Variants in ATAD2 observed in about 807,000 individuals in gnomAD.
ATAD2 encodes ATPase family AAA domain-containing protein 2.
Under a neutral mutation model 168.9 loss-of-function variants are expected in ATAD2, and 62 were observed. The ratio of observed to expected loss-of-function variants is 0.37; its 90% CI spans 0.30 to 0.45. ATAD2 has a LOEUF of 0.45. ATAD2 is among the 20% of genes least tolerant of loss of function. The probability of loss-of-function intolerance (pLI) is 1.00; values close to 1 mark genes in which losing one functional copy is unlikely to be tolerated. For synonymous variants in ATAD2, 613 were observed against 571.6 expected (o/e 1.07, Z -1.03); for missense variants, 1,419 against 1,667.8 (o/e 0.85, Z 2.60).
At chr8:123,411,075 AGGCTTGCCACCATCTTGGAAGC>A (rs537412603) in intron 1 of ATAD2, among the ~76,000 whole-genome samples, 5 of 152,160 alleles carry the variant, frequency 3.3e-5, no homozygotes, top group Admixed American at 6.5e-5. Flanking sequence ...AGAGAACAGG[AGGCTTGCCACCATCTTGGAAGC>A]GGCTTGCCAC....
chr8:123,363,009 A>G (rs181606518), intron 8 of ATAD2, among the ~76,000 whole-genome samples: 49 of 152,334 alleles, frequency 3.2e-4, no homozygotes, highest in African/African-American at 1.1e-3. Context: ...AAAATTTTTA[A>G]TCACTTCTAC....
chr8:123,348,007 A>G, intron 15 of ATAD2, 176 bp downstream of exon 15: 1 of 666,364 alleles, frequency 1.5e-6, no homozygotes, highest in Non-Finnish European at 2.6e-6. Flanking sequence ...CAAATAAGAG[A>G]TAAGAAACAA....
At chr8:123,378,499 C>T (rs537481541) in intron 2 of ATAD2, among the ~76,000 whole-genome samples, 3 of 151,882 alleles carry the variant, frequency 2.0e-5, no homozygotes, top group Middle Eastern at 3.4e-3. Context: ...GTCAGGAGTT[C>T]GAGACCAGCC....
chr8:123,349,466 G>A (rs768452074), intron 13 of ATAD2, 22 bp from the exon 14 acceptor site: 3 of 1,598,324 alleles, frequency 1.9e-6, no homozygotes, highest in Non-Finnish European at 1.7e-6. Flanking sequence ...AAATAAGAGA[G>A]AAGAGATTAA....
At position 123,369,082 on chromosome 8, in the gene ATAD2, C is replaced by T. The variant is rs760831491; in HGVS notation, c.1025G>A (p.Ser342Asn). The T allele has an allele frequency of 6.3e-7, 1 of 1,591,676 alleles. No homozygotes were observed. The highest frequency in any genetic ancestry group is 8.6e-7 in the Non-Finnish European group (1 of 1,164,754). The change falls in exon 8 of 28, where the codon AGT (serine) becomes AAT (asparagine). Residue 342 changes from serine to asparagine, a missense_variant. Around this residue, in one of 5 missense-constraint regions of ATAD2, gnomAD observed 146 missense variants for 188.3 expected, o/e 0.78. Transcript: ENST00000287394. Reference protein sequence around the residue: ...RYRLSSAGPRSPYCKRMNRRR... With the variant: ...RYRLSSAGPRNPYCKRMNRRR... Reference sequence around the variant, plus strand: ...CCTGTTCATTCGTTTACAGTAAGGACTTCTTGGTCCTGCGGAAGATAATCG... The same window carrying T: ...CCTGTTCATTCGTTTACAGTAAGGATTTCTTGGTCCTGCGGAAGATAATCG...
intron 9 of ATAD2, among the ~76,000 whole-genome samples, 169 bp from the exon 10 acceptor site, chr8:123,359,854 T>C (rs1828760969): frequency 6.6e-6 from 1 of 152,186 alleles, no homozygotes; most frequent in Admixed American, 6.5e-5. Flanking sequence ...GGTCCAGAAC[T>C]TAAGTGTTAG....
In ATAD2 at chr8:123,328,440, T is replaced by C. The variant is rs1436646595; in HGVS notation, c.3618A>G (p.Gln1206=). Residue 1206 remains glutamine (Q), a synonymous_variant, in exon 25 of 28, where the codon CAA becomes CAG. Transcript: ENST00000287394. ...HKIESDTEET[Q]DTSVDHNETG... ...TCTCATTATGATCTACACTTGTGTCTTGAGTTTCCTCTGTATCACTCTCAA... is the reference window on the plus strand; with the variant it reads ...TCTCATTATGATCTACACTTGTGTCCTGAGTTTCCTCTGTATCACTCTCAA... 2 of 1,611,002 alleles carry C rather than the reference T, an allele frequency of 1.2e-6. No homozygotes were observed. Among genetic ancestry groups the C allele is most frequent in the African/African-American group, 1.3e-5 (1 of 74,896 alleles).
chr8:123,328,534 C>G lies in ATAD2; in HGVS notation c.3524G>C (p.Gly1175Ala). 7 of 1,574,988 alleles carry G rather than the reference C, an allele frequency of 4.4e-6. No homozygotes were observed. Among genetic ancestry groups the G allele is most frequent in the Non-Finnish European group, 6.0e-6 (7 of 1,164,910 alleles). Residue 1175 changes from glycine (G) to alanine (A), a missense_variant, in exon 25 of 28, where the codon GGC becomes GCC. This residue lies in a region of ATAD2 where 303 missense variants were observed against 304.3 expected (regional missense o/e 1.00). Coordinates refer to ENST00000287394, the MANE Select transcript of ATAD2 (RefSeq NM_014109.4). ...AATCTTCCTTCGCTTTTTTATGGTG[C>G]CTAAGTACCAGTTTGACTTTTTGCG... ...KIRKKSNWYL[G>A]TIKKRRKISQ...
intron 1 of ATAD2, among the ~76,000 whole-genome samples, chr8:123,385,262 C>A (rs371352187): frequency 2.2e-4 from 34 of 152,100 alleles, no homozygotes; most frequent in African/African-American, 7.0e-4. Context: ...AATTTCACAT[C>A]ACCATAAAAT....
intron 1 of ATAD2, among the ~76,000 whole-genome samples, chr8:123,392,438 C>G (rs1254983851): frequency 2.0e-5 from 3 of 151,948 alleles, no homozygotes; most frequent in Non-Finnish European, 2.9e-5. Context: ...CATAGTCACA[C>G]AGCTTACTAT....
At chr8:123,328,125 AGGTGTTTAGAAACTTTGAAAT>A in intron 25 of ATAD2, 44 bp downstream of exon 25, 1 of 1,234,070 alleles carries the variant, frequency 8.1e-7, no homozygotes, top group East Asian at 2.9e-5. Context: ...AGATGCAATT[AGGTGTTTAGAAACTTTGAAAT>A]ATCTTTTAAA....
chr8:123,412,419 G>A (rs2130055205), intron 1 of ATAD2, among the ~76,000 whole-genome samples: 1 of 152,160 alleles, frequency 6.6e-6, no homozygotes, highest in Middle Eastern at 3.4e-3. Context: ...AAATTATGTA[G>A]TTTTTTTAAG....
rs1586890821 is a variant in ATAD2 at position 123,371,292 on chromosome 8, G to A, written c.583C>T (p.Arg195Cys). The A allele has an allele frequency of 4.3e-6, 7 of 1,609,280 alleles. No individual in the cohort carries two copies. Among genetic ancestry groups the A allele is most frequent in the South Asian group, 1.1e-5 (1 of 89,732 alleles). Residue 195 changes from arginine to cysteine, a missense_variant, in exon 5 of 28, where the codon CGT becomes TGT. Around this residue, in one of 5 missense-constraint regions of ATAD2, gnomAD observed 419 missense variants for 423.5 expected, o/e 0.99. Transcript: ENST00000287394. The part of the protein sequence containing the change: ...LQKMDDMKKM[R>C]RQRMRELEDL... ...TCAAGTTCTCTCATTCGCTGTCTACGCATCTTCTTCATGTCATCCATTTTT... is the reference window on the plus strand; with the variant it reads ...TCAAGTTCTCTCATTCGCTGTCTACACATCTTCTTCATGTCATCCATTTTT...
At chr8:123,341,853 G>C (rs182898789) in intron 19 of ATAD2, among the ~76,000 whole-genome samples, 1 of 152,120 alleles carries the variant, frequency 6.6e-6, no homozygotes, top group Non-Finnish European at 1.5e-5. Context: ...AAAACAGGCC[G>C]AGCACAGTGG....
Position 123,371,342 on chromosome 8 carries a change from T to A in ATAD2, c.537-4A>T. ...TTGAAGTACAGCTTCAGCAGTGCTTTAAAAAAAAGATATAAATGTAAGTGA... is the reference window on the plus strand; with the variant it reads ...TTGAAGTACAGCTTCAGCAGTGCTTAAAAAAAAAGATATAAATGTAAGTGA... On this transcript the variant is annotated splice_polypyrimidine_tract_variant and splice_region_variant and intron_variant, in intron 4 of 27. Transcript: ENST00000287394. The A allele has an allele frequency of 6.4e-7, 1 of 1,573,232 alleles. No homozygotes were observed. The highest frequency in any genetic ancestry group is 8.6e-7 in the Non-Finnish European group (1 of 1,162,482).
At chr8:123,387,234 A>C (rs1419906626) in intron 1 of ATAD2, among the ~76,000 whole-genome samples, 1 of 152,154 alleles carries the variant, frequency 6.6e-6, no homozygotes, top group Admixed American at 6.5e-5. Context: ...TTACTCTAAA[A>C]ATTTAATGAA....
chr8:123,340,502 G>C (rs1828032097), intron 19 of ATAD2, among the ~76,000 whole-genome samples: 1 of 152,180 alleles, frequency 6.6e-6, no homozygotes, highest in Non-Finnish European at 1.5e-5. Flanking sequence ...ACTCAAATGA[G>C]TATTTGTACT....
chr8:123,342,933 A>G (rs1179376288), intron 19 of ATAD2, among the ~76,000 whole-genome samples: 2 of 151,032 alleles, frequency 1.3e-5, no homozygotes, highest in African/African-American at 4.9e-5. Context: ...AGCTATTCCA[A>G]TGGTTCACTA....
chr8:123,330,696 A>C (rs1382234380), intron 24 of ATAD2, among the ~76,000 whole-genome samples: 14 of 151,904 alleles, frequency 9.2e-5, no homozygotes, highest in Admixed American at 9.2e-4. Context: ...ACCTCTTTCT[A>C]AAATTATCAA....
Sources: gnomAD v4.1 joint callset for allele counts (sites outside exome capture counted in the v4.1 genomes callset) on GRCh38, gnomAD v4.1.1 for gene constraint, gnomAD v4.1.1 regional missense constraint, MANE v1.5 for transcripts, NCBI Gene and HGNC (gene_info 2026-07-23, HGNC 2026-07-21) for gene names.